Variants in ARHGAP26 observed in about 807,000 individuals in gnomAD.
ARHGAP26 encodes rho GTPase-activating protein 26.
ARHGAP26 carries 38 observed loss-of-function variants against 104.8 expected under a neutral mutation model. The ratio of observed to expected loss-of-function variants is 0.36; its 90% confidence interval spans 0.28 to 0.48. ARHGAP26 has a LOEUF of 0.48. Among genes scored for constraint, ARHGAP26 ranks in the 20% least tolerant of loss-of-function variants. The pLI is 0.99. For synonymous variants in ARHGAP26, 341 were observed against 340.0 expected, an observed-to-expected ratio of 1.00 and a Z score of -0.03; for missense variants, 704 against 947.9, an observed-to-expected ratio of 0.74 and a Z score of 3.38.
chr5:143,039,872 G>A (rs991284320), intron 13 of ARHGAP26, among the ~76,000 whole-genome samples: 2 of 152,188 alleles, frequency 1.3e-5, no homozygotes, highest in Non-Finnish European at 2.9e-5. Context: ...AATGAAAATG[G>A]AAATGATGTA....
chr5:142,849,910 C>T (rs1432725877), intron 1 of ARHGAP26, among the ~76,000 whole-genome samples: 1 of 151,840 alleles, frequency 6.6e-6, no homozygotes, highest in East Asian at 2.0e-4. Context: ...TTGTTTCACC[C>T]AGTTAGTCCC....
chr5:142,803,678 A>T (rs1234834387), intron 1 of ARHGAP26, among the ~76,000 whole-genome samples: 1 of 152,210 alleles, frequency 6.6e-6, no homozygotes, highest in Non-Finnish European at 1.5e-5. Flanking sequence ...GCACGTCAGC[A>T]GTTCACCCTG....
intron 1 of ARHGAP26, 62 bp downstream of exon 1, chr5:142,770,977 T>C: frequency 6.6e-7 from 1 of 1,511,692 alleles, no homozygotes; most frequent in Non-Finnish European, 8.9e-7. Flanking sequence ...GAGGTGGCGC[T>C]TAGCCCGGGT....
intron 1 of ARHGAP26, among the ~76,000 whole-genome samples, chr5:142,775,167 T>A (rs909058969): frequency 8.5e-5 from 13 of 152,138 alleles, no homozygotes; most frequent in African/African-American, 2.9e-4. Context: ...TAGTTTTTTT[T>A]AAGAACTGTC....
At chr5:143,206,173 C>T (rs908920751) in intron 20 of ARHGAP26, among the ~76,000 whole-genome samples, 15 of 152,194 alleles carry the variant, frequency 9.9e-5, no homozygotes, top group Non-Finnish European at 5.9e-5. Context: ...CCCCTTGAAC[C>T]GGATTTCTGT....
At chr5:142,828,312 C>T (rs949333447) in intron 1 of ARHGAP26, among the ~76,000 whole-genome samples, 8 of 152,186 alleles carry the variant, frequency 5.3e-5, no homozygotes, top group Admixed American at 2.0e-4. Flanking sequence ...GCACTCTGTA[C>T]GATTCCACTT....
chr5:143,028,006 C>G (rs182439073), intron 12 of ARHGAP26, among the ~76,000 whole-genome samples: 10 of 152,278 alleles, frequency 6.6e-5, no homozygotes, highest in Admixed American at 5.9e-4. Flanking sequence ...GCCCCCAGTT[C>G]CTTTCTGACT....
At chr5:143,065,493 G>A (rs1787351528) in intron 17 of ARHGAP26, among the ~76,000 whole-genome samples, 1 of 152,214 alleles carries the variant, frequency 6.6e-6, no homozygotes, top group Non-Finnish European at 1.5e-5. Flanking sequence ...GGTGAAGAGA[G>A]AACATTCTGT....
chr5:142,900,308 G>A (rs1760119862), intron 6 of ARHGAP26, among the ~76,000 whole-genome samples: 1 of 151,844 alleles, frequency 6.6e-6, no homozygotes, highest in African/African-American at 2.4e-5. Flanking sequence ...GTGACTCCAT[G>A]GGGCTTACCA....
At chr5:143,077,316 C>T (rs1789181375) in intron 17 of ARHGAP26, among the ~76,000 whole-genome samples, 1 of 152,072 alleles carries the variant, frequency 6.6e-6, no homozygotes, top group Admixed American at 6.5e-5. Flanking sequence ...TGGCTGAAGA[C>T]CTGGAATATC....
chr5:142,897,837 G>A (rs1400577522), intron 6 of ARHGAP26, among the ~76,000 whole-genome samples: 3 of 152,126 alleles, frequency 2.0e-5, no homozygotes, highest in Non-Finnish European at 4.4e-5. Context: ...GTAAATAGCA[G>A]AGCTGGAAGG....
At chr5:143,202,712 T>C (rs916529920) in intron 20 of ARHGAP26, 5 of 152,192 alleles carry the variant, frequency 3.3e-5, no homozygotes, top group African/African-American at 9.7e-5. Context: ...AGCATGGTAC[T>C]GGTACCAAAA....
intron 8 of ARHGAP26, among the ~76,000 whole-genome samples, chr5:142,906,858 C>T (rs565659860): frequency 2.0e-5 from 3 of 152,160 alleles, no homozygotes; most frequent in East Asian, 3.9e-4. Context: ...TCTGCTAATT[C>T]TCTTTATGTT....
intron 10 of ARHGAP26, among the ~76,000 whole-genome samples, chr5:142,918,187 C>T (rs368889365): frequency 2.4e-4 from 36 of 151,918 alleles, no homozygotes; most frequent in African/African-American, 8.2e-4. Flanking sequence ...TGCTCTGTCA[C>T]CCAGGCTGGA....
intron 11 of ARHGAP26, among the ~76,000 whole-genome samples, chr5:142,958,138 G>A (rs1225180945): frequency 1.3e-5 from 2 of 152,142 alleles, no homozygotes; most frequent in Admixed American, 1.3e-4. Context: ...TTTAAGTCAT[G>A]TGTTTAGATA....
intron 12 of ARHGAP26, among the ~76,000 whole-genome samples, chr5:143,035,956 A>AAAG (rs1280242618): frequency 2.0e-5 from 3 of 151,012 alleles, no homozygotes; most frequent in East Asian, 1.9e-4. Flanking sequence ...AAAAAAAAAA[A>AAAG]AAGAAGAACT....
At chr5:143,194,457 G>A (rs916158280) in intron 20 of ARHGAP26, among the ~76,000 whole-genome samples, 1 of 152,084 alleles carries the variant, frequency 6.6e-6, no homozygotes, top group African/African-American at 2.4e-5. Flanking sequence ...ATTTCGAAAT[G>A]TTCACCAAGA....
At chr5:143,025,983 C>T (rs1226003821) in intron 12 of ARHGAP26, among the ~76,000 whole-genome samples, 1 of 152,016 alleles carries the variant, frequency 6.6e-6, no homozygotes, top group African/African-American at 2.4e-5. Context: ...AAAATAGATG[C>T]CTTTGTATCT....
intron 10 of ARHGAP26, among the ~76,000 whole-genome samples, chr5:142,915,864 G>T (rs73288460): frequency 6.6e-6 from 1 of 152,034 alleles, no homozygotes; most frequent in Admixed American, 6.5e-5. Context: ...ATTTTCATGC[G>T]CTGGGTAGCT....
Sources: gnomAD v4.1 joint callset for allele counts (sites outside exome capture counted in the v4.1 genomes callset) on GRCh38, gnomAD v4.1.1 for gene constraint, MANE v1.5 for transcripts, NCBI Gene and HGNC (gene_info 2026-07-23, HGNC 2026-07-21) for gene names.